The following DZIP1 variants were observed in gnomAD, a reference collection of about 807,000 sequenced individuals.
DZIP1 encodes DAZ interacting zinc finger protein 1.
Under a neutral mutation model 107.6 loss-of-function variants are expected in DZIP1, and 97 were observed. That is an observed-to-expected ratio of 0.90 (90% confidence interval 0.77 to 1.07). The LOEUF (loss-of-function observed/expected upper bound fraction) is 1.07, where lower values mean the gene tolerates loss of function less well. Ranked by LOEUF, DZIP1 falls within the 50% of genes least tolerant of loss-of-function variation. DZIP1 has a pLI of 0.00. For synonymous variants in DZIP1, 390 were observed against 386.4 expected (o/e 1.01, Z -0.11); for missense variants, 1,035 against 1,063.6 (o/e 0.97, Z 0.37).
rs374496065 is a variant in DZIP1, at chr13:95,594,088, T to A, written c.1538-2A>T. On this transcript the variant is annotated splice_acceptor_variant, in intron 15 of 22. Transcript: ENST00000376829. LOFTEE classifies it high-confidence loss of function. ...TTAATTTCTGTTCATTTTCCCTTCC[T>A]GAAATAAGGTTTTAAAAATGTGTTA... 3 of 1,589,984 alleles carry A rather than the reference T, an allele frequency of 1.9e-6. No homozygotes were observed. The highest frequency in any genetic ancestry group is 2.6e-6 in the Non-Finnish European group (3 of 1,170,204).
chr13:95,634,998 C>CT lies in DZIP1; in HGVS notation c.598-1678dup, dbSNP rs1877622056. Among the ~76,000 whole-genome samples the CT allele has an allele frequency of 2.6e-5, 4 of 151,864 alleles. No individual in the cohort carries two copies. In the South Asian group the frequency reaches 8.3e-4, roughly 32 times the overall value. ...TAGTCTATAGGTTTCCCCTCCACCT[C>CT]TTTTTTTTCCTTGCTATCCTTTTGC... On this transcript the variant is annotated intron_variant, in intron 5 of 22. Transcript: ENST00000376829.
chr13:95,644,393 T>TGGGCGGGTGCCGGGCGCTGC lies in DZIP1; in HGVS notation c.-562_-543dup, dbSNP rs1878880331. 6.6e-6 allele frequency: 1 copy of TGGGCGGGTGCCGGGCGCTGC among 152,400 alleles called. No individual in the cohort carries two copies. Among genetic ancestry groups the TGGGCGGGTGCCGGGCGCTGC allele is most frequent in the Non-Finnish European group, 1.5e-5 (1 of 68,344 alleles). 9.4% of individuals were successfully genotyped at this position (152,400 alleles called of 1,614,324 possible). A position where few individuals can be genotyped will look rare whatever the true frequency, so the allele number is the denominator to read the frequency against. ...TCGGCTCACCCCAGCTGCGCGCTCC[T>TGGGCGGGTGCCGGGCGCTGC]GGGCGGGTGCCGGGCGCTGCAGGCG... On this transcript the variant is annotated 5_prime_UTR_variant, in exon 1 of 23. Transcript: ENST00000376829.
intron 14 of DZIP1, 136 bp downstream of exon 14, chr13:95,605,867 A>T: frequency 1.2e-6 from 1 of 846,216 alleles, no homozygotes; most frequent in Non-Finnish European, 1.8e-6. Context: ...CTGCAGTTTT[A>T]ATAACTGTTT....
At chr13:95,630,652 A>G in intron 6 of DZIP1, 2 of 1,126,250 alleles carry the variant, frequency 1.8e-6, no homozygotes, top group South Asian at 1.6e-5. Context: ...GAAGTGAGGT[A>G]CTGAAAAGTT....
At position 95,642,129 on chromosome 13, in the gene DZIP1, G is replaced by A; in HGVS notation, c.-100C>T. On this transcript the variant is annotated 5_prime_UTR_variant, in exon 4 of 23. Transcript: ENST00000376829. ...AGAAGGCCGGGTTCCTCGCTTCCGCGGCGGCGGCGGCCTAAGGTCTGGGCG... is the reference window on the plus strand; with the variant it reads ...AGAAGGCCGGGTTCCTCGCTTCCGCAGCGGCGGCGGCCTAAGGTCTGGGCG... 6.5e-6 allele frequency: 9 copies of A among 1,382,480 alleles called. No homozygotes were observed. The highest frequency in any genetic ancestry group is 7.5e-6 in the Non-Finnish European group (8 of 1,062,284). 85.6% of individuals were successfully genotyped at this position (1,382,480 alleles called of 1,614,324 possible). A position where few individuals can be genotyped will look rare whatever the true frequency, so the allele number is the denominator to read the frequency against.
At chr13:95,604,364 C>T (rs1030879396) in intron 14 of DZIP1, among the ~76,000 whole-genome samples, 10 of 152,226 alleles carry the variant, frequency 6.6e-5, no homozygotes, top group Non-Finnish European at 1.3e-4. Flanking sequence ...GCTGGCCTGA[C>T]GGGGTGGGGG....
chr13:95,631,193 C>T (rs1382464820), intron 6 of DZIP1, among the ~76,000 whole-genome samples: 2 of 152,158 alleles, frequency 1.3e-5, no homozygotes, highest in African/African-American at 2.4e-5. Flanking sequence ...CAGTGGCTCA[C>T]GCCTGTATTC....
At chr13:95,588,426 G>T (rs1016531309) in intron 19 of DZIP1, among the ~76,000 whole-genome samples, 1 of 152,252 alleles carries the variant, frequency 6.6e-6, no homozygotes, top group South Asian at 2.1e-4. Flanking sequence ...CCAGAATAAG[G>T]CAATGATGAT....
intron 7 of DZIP1, among the ~76,000 whole-genome samples, chr13:95,625,774 G>C (rs1158243369): frequency 6.6e-6 from 1 of 152,094 alleles, no homozygotes; most frequent in Admixed American, 6.6e-5. Context: ...AGATTCATGA[G>C]ATGCAGCCAA....
chr13:95,598,398 C>A (rs926948156), intron 15 of DZIP1, among the ~76,000 whole-genome samples: 1 of 151,950 alleles, frequency 6.6e-6, no homozygotes, highest in African/African-American at 2.4e-5. Flanking sequence ...ATTAGCATAG[C>A]AAAATAAGAC....
intron 13 of DZIP1, among the ~76,000 whole-genome samples, chr13:95,608,422 C>G (rs1296193735): frequency 6.6e-6 from 1 of 150,612 alleles, no homozygotes; most frequent in African/African-American, 2.4e-5. Flanking sequence ...TTGGAGAAAA[C>G]CACCCTAACT....
At chr13:95,639,975 C>T (rs1225943894) in intron 5 of DZIP1, among the ~76,000 whole-genome samples, 1 of 149,984 alleles carries the variant, frequency 6.7e-6, no homozygotes, top group African/African-American at 2.4e-5. Context: ...CTAATTGTTC[C>T]CTTATCTTTT....
chr13:95,602,907 G>T (rs1594673535), intron 14 of DZIP1, among the ~76,000 whole-genome samples: 1 of 152,342 alleles, frequency 6.6e-6, no homozygotes, highest in African/African-American at 2.4e-5. Flanking sequence ...CAGAAGTCTA[G>T]AGCATACCAC....
chr13:95,602,995 C>T (rs1246787059), intron 14 of DZIP1, among the ~76,000 whole-genome samples: 4 of 152,078 alleles, frequency 2.6e-5, no homozygotes, highest in East Asian at 1.9e-4. Flanking sequence ...GCTTTGAGAA[C>T]AAAACATAAT....
rs997392840 is a variant in DZIP1, at chr13:95,642,445, A to T, written c.-212-204T>A. 2.0e-5 allele frequency among the ~76,000 whole-genome samples: 3 copies of T among 152,050 alleles called. 1 individual carries two copies. Among genetic ancestry groups the T allele is most frequent in the Non-Finnish European group, 4.4e-5 (3 of 68,002 alleles). ...ACTGCCATCCCCTGGTTATTTATTC[A>T]CTGTAGCCCTGGCCTTAGGCTTTGA... On this transcript the variant is annotated intron_variant, in intron 3 of 22. Transcript: ENST00000376829.
At chr13:95,616,876 A>T (rs533275771) in intron 10 of DZIP1, among the ~76,000 whole-genome samples, 2 of 152,282 alleles carry the variant, frequency 1.3e-5, no homozygotes, top group African/African-American at 4.8e-5. Flanking sequence ...AAGGAAGATT[A>T]TCCTGTGTGG....
At chr13:95,618,713 C>A (rs1875453200) in intron 10 of DZIP1, among the ~76,000 whole-genome samples, 1 of 152,168 alleles carries the variant, frequency 6.6e-6, no homozygotes, top group African/African-American at 2.4e-5. Context: ...ACACTTCATC[C>A]TTGCAATTAT....
rs967612479 is a variant in DZIP1 at position 95,630,645 on chromosome 13, G to A, written c.686-532C>T. Reference sequence around the variant, plus strand: ...CCATAGTCTATCAACTGGGGTAGAAGTGAGGTACTGAAAAGTTGTAAAAGG... The same window carrying A: ...CCATAGTCTATCAACTGGGGTAGAAATGAGGTACTGAAAAGTTGTAAAAGG... On this transcript the variant is annotated intron_variant, in intron 6 of 22. Transcript: ENST00000376829. 6.3e-6 allele frequency: 7 copies of A among 1,104,404 alleles called. No homozygotes were observed. In the African/African-American group the frequency reaches 1.0e-4, roughly 16 times the overall value. The allele number at this position is 1,104,404 out of a possible 1,614,324, so 68.4% of individuals were successfully genotyped here. A position where few individuals can be genotyped will look rare whatever the true frequency, so the allele number is the denominator to read the frequency against.
Position 95,642,007 on chromosome 13 carries a change from C to A in DZIP1, c.23G>T (p.Trp8Leu). The stretch of plus-strand genomic sequence containing the variant: ...CCCGCCTCTTACCATGCTTGAAAAC[C>A]AATCCGCTGCCTCAGCTTGCATAGG... MQAEAAD[W>L]FSSMPFQKHV... Residue 8 changes from tryptophan (W) to leucine (L), a missense_variant, in exon 4 of 23, where the codon TGG (tryptophan) becomes TTG (leucine). Trp to Leu is a moderately conservative substitution (Grantham distance 61). Transcript: ENST00000376829. 6.3e-7 allele frequency: 1 copy of A among 1,578,482 alleles called. No homozygotes were observed. The highest frequency in any genetic ancestry group is 2.5e-5 in the East Asian group (1 of 39,960).
Sources: gnomAD v4.1 joint callset for allele counts (sites outside exome capture counted in the v4.1 genomes callset) on GRCh38, gnomAD v4.1.1 for gene constraint, MANE v1.5 for transcripts, NCBI Gene and HGNC (gene_info 2026-07-23, HGNC 2026-07-21) for gene names.